The following C1QTNF3 variants were observed in gnomAD, a reference collection of about 807,000 sequenced individuals.
C1QTNF3 encodes the protein complement C1q tumor necrosis factor-related protein 3.
Under a neutral mutation model 32.6 loss-of-function variants are expected in C1QTNF3, and 26 were observed. The ratio of observed to expected loss-of-function variants is 0.80; its 90% CI spans 0.58 to 1.11. C1QTNF3 has a LOEUF of 1.11. Among genes scored for constraint, C1QTNF3 ranks in the 50% least tolerant of loss-of-function variants. The pLI is 0.00. For synonymous variants in C1QTNF3, 155 were observed against 146.0 expected (o/e 1.06, Z -0.44); for missense variants, 362 against 398.2 (o/e 0.91, Z 0.77).
At chr5:34,103,824 A>G in the C1QTNF3 span, among the ~76,000 whole-genome samples, 1 of 147,984 alleles carries the variant, frequency 6.8e-6, no homozygotes, top group East Asian at 2.0e-4. Flanking sequence ...TTCTGTCTCT[A>G]AAAAAAAAAA....
At chr5:34,167,566 T>C in the C1QTNF3 span, 24 of 152,308 alleles carry the variant, frequency 1.6e-4, no homozygotes, top group African/African-American at 5.5e-4. Context: ...CAGAACTCCA[T>C]TGCCAAGCCA....
At chr5:34,090,164 T>C in the C1QTNF3 span, among the ~76,000 whole-genome samples, 9 of 151,234 alleles carry the variant, frequency 6.0e-5, no homozygotes, top group African/African-American at 1.2e-4. Context: ...TTAAAGGAAG[T>C]AGAAATTGCC....
chr5:34,240,920 A>C, the C1QTNF3 span, among the ~76,000 whole-genome samples: 7 of 152,158 alleles, frequency 4.6e-5, no homozygotes, highest in East Asian at 1.3e-3. Flanking sequence ...AAATTAATCT[A>C]CTATGACAAT....
chr5:34,231,838 A>G, the C1QTNF3 span, among the ~76,000 whole-genome samples: 5 of 146,564 alleles, frequency 3.4e-5, no homozygotes, highest in Non-Finnish European at 6.0e-5. Flanking sequence ...GAGCCCCCAC[A>G]CAGATTCCCC....
chr5:34,156,169 C>A, the C1QTNF3 span, among the ~76,000 whole-genome samples: 1 of 152,186 alleles, frequency 6.6e-6, no homozygotes, highest in South Asian at 2.1e-4. Flanking sequence ...TTCCCAGGTT[C>A]AAGAGATTCT....
chr5:34,058,802 C>A, the C1QTNF3 span, among the ~76,000 whole-genome samples: 1 of 152,174 alleles, frequency 6.6e-6, no homozygotes, highest in Non-Finnish European at 1.5e-5. Flanking sequence ...CATTGATGCA[C>A]AGCCAACTGC....
chr5:34,160,731 T>G, the C1QTNF3 span, among the ~76,000 whole-genome samples: 10 of 152,112 alleles, frequency 6.6e-5, no homozygotes, highest in Non-Finnish European at 8.8e-5. Context: ...GCTCCCTATC[T>G]GCTAAAAGCA....
chr5:34,217,766 A>G, the C1QTNF3 span, among the ~76,000 whole-genome samples: 1 of 152,206 alleles, frequency 6.6e-6, no homozygotes, highest in East Asian at 1.9e-4. Flanking sequence ...ATTAAATTAA[A>G]TCTTTAAGCA....
the C1QTNF3 span, among the ~76,000 whole-genome samples, chr5:34,218,091 C>T: frequency 6.7e-6 from 1 of 150,318 alleles, no homozygotes; most frequent in African/African-American, 2.5e-5. Flanking sequence ...AACCAATCAA[C>T]AAATAAGAAT....
chr5:34,056,420 A>ATGTGTGTGTG, the C1QTNF3 span, among the ~76,000 whole-genome samples: 5 of 38,738 alleles, frequency 1.3e-4, no homozygotes, highest in African/African-American at 2.7e-4. Context: ...ATGTATATGT[A>ATGTGTGTGTG]TGTGTGTGTG....
the C1QTNF3 span, among the ~76,000 whole-genome samples, chr5:34,138,178 C>A: frequency 1.3e-5 from 2 of 152,282 alleles, no homozygotes; most frequent in Non-Finnish European, 2.9e-5. Context: ...TGGGAAAATA[C>A]ATTGCTGTTG....
the C1QTNF3 span, among the ~76,000 whole-genome samples, chr5:34,126,531 G>A: frequency 0.51 from 69,261 of 136,970 alleles, 19,220 homozygotes; most frequent in Non-Finnish European, 0.61. Flanking sequence ...ACAGAAAACT[G>A]CATGGAGGTT....
chr5:34,080,872 C>T, the C1QTNF3 span, among the ~76,000 whole-genome samples: 5 of 151,720 alleles, frequency 3.3e-5, no homozygotes, highest in East Asian at 9.6e-4. Context: ...CCCTCCTCAA[C>T]ACACGTCTCA....
chr5:34,155,441 A>C, the C1QTNF3 span, among the ~76,000 whole-genome samples: 1 of 152,204 alleles, frequency 6.6e-6, no homozygotes, highest in Non-Finnish European at 1.5e-5. Context: ...GGATTACCCC[A>C]CTGGGCATAT....
the C1QTNF3 span, among the ~76,000 whole-genome samples, chr5:34,220,527 G>A: frequency 6.6e-6 from 1 of 150,668 alleles, no homozygotes; most frequent in South Asian, 2.1e-4. Flanking sequence ...CACCACACAC[G>A]CACAAGCACA....
chr5:34,154,819 G>C, the C1QTNF3 span, among the ~76,000 whole-genome samples: 3 of 152,148 alleles, frequency 2.0e-5, no homozygotes, highest in Admixed American at 6.5e-5. Flanking sequence ...GGTAGAGATA[G>C]AGACAGATAG....
At chr5:34,138,562 A>C in the C1QTNF3 span, among the ~76,000 whole-genome samples, 7 of 152,240 alleles carry the variant, frequency 4.6e-5, no homozygotes, top group South Asian at 1.5e-3. Flanking sequence ...TATATATGAC[A>C]TCATTAATCT....
At chr5:34,059,017 C>G in the C1QTNF3 span, among the ~76,000 whole-genome samples, 2 of 152,180 alleles carry the variant, frequency 1.3e-5, no homozygotes, top group East Asian at 3.9e-4. Flanking sequence ...GTTTGAACTG[C>G]GTGCAGGAGA....
upstream of C1QTNF3, chr5:34,043,219 C>G: frequency 3.0e-6 from 4 of 1,349,744 alleles, no homozygotes; most frequent in Non-Finnish European, 4.0e-6. Context: ...GAGCTGAGAG[C>G]TGCAGCGGCG....
Sources: gnomAD v4.1 joint callset for allele counts (sites outside exome capture counted in the v4.1 genomes callset) on GRCh38, gnomAD v4.1.1 for gene constraint, MANE v1.5 for transcripts, NCBI Gene and HGNC (gene_info 2026-07-23, HGNC 2026-07-21) for gene names.